Variants in BMPR2 observed in about 807,000 individuals in gnomAD.
BMPR2 encodes the protein bone morphogenetic protein receptor type 2.
A neutral mutation model predicts 100.8 loss-of-function variants in BMPR2; 29 were observed. The ratio of observed to expected loss-of-function variants is 0.29; its 90% CI spans 0.21 to 0.39. The LOEUF (loss-of-function observed/expected upper bound fraction) is 0.39, where lower values mean the gene tolerates loss of function less well. BMPR2 is among the 10% of genes least tolerant of loss of function. The pLI, the probability that BMPR2 is intolerant of heterozygous loss-of-function variation, is 1.00. For missense variants in BMPR2, 1,011 were observed against 1,274.5 expected (o/e 0.79, Z 3.15); for synonymous variants, 382 against 442.3 (o/e 0.86, Z 1.71).
intron 7 of BMPR2, among the ~76,000 whole-genome samples, chr2:202,521,935 G>C (rs1018447458): frequency 1.3e-5 from 2 of 152,200 alleles, no homozygotes; most frequent in Non-Finnish European, 2.9e-5. Context: ...GGATCTCAAG[G>C]ATCACTTGAG....
intron 1 of BMPR2, among the ~76,000 whole-genome samples, chr2:202,464,287 A>C (rs1692277298): frequency 6.6e-6 from 1 of 151,916 alleles, no homozygotes; most frequent in Non-Finnish European, 1.5e-5. Flanking sequence ...AATGGTTACC[A>C]GTTTAATTTT....
chr2:202,432,006 A>G (rs1691514667), intron 1 of BMPR2, among the ~76,000 whole-genome samples: 1 of 150,560 alleles, frequency 6.6e-6, no homozygotes, highest in African/African-American at 2.5e-5. Flanking sequence ...AAATATAGGT[A>G]CTTATATATT....
Position 202,552,893 on chromosome 2 carries a change from G to C in BMPR2, c.1586+5G>C. ...TACTGCTATGCAGAATGAACGGTAA[G>C]ACCCTAAGGGGTGTGGCATCTATCA... On this transcript the variant is annotated splice_donor_5th_base_variant and intron_variant, in intron 11 of 12. Coordinates refer to ENST00000374580, the MANE Select transcript of BMPR2 (RefSeq NM_001204.7). 6.2e-7 allele frequency: 1 copy of C among 1,614,178 alleles called. No individual in the cohort carries two copies. The highest frequency in any genetic ancestry group is 8.5e-7 in the Non-Finnish European group (1 of 1,180,028).
intron 10 of BMPR2, among the ~76,000 whole-genome samples, chr2:202,549,732 G>A (rs1688441671): frequency 7.2e-6 from 1 of 138,694 alleles, no homozygotes; most frequent in Non-Finnish European, 1.5e-5. Flanking sequence ...GGGCGACAGA[G>A]CAAGACTCTG....
At chr2:202,443,000 T>G (rs1243066012) in intron 1 of BMPR2, among the ~76,000 whole-genome samples, 1 of 150,160 alleles carries the variant, frequency 6.7e-6, no homozygotes, top group Non-Finnish European at 1.5e-5. Flanking sequence ...TGTAAGGAGG[T>G]GATGATAAAG....
intron 9 of BMPR2, among the ~76,000 whole-genome samples, chr2:202,539,594 CTA>C (rs1307830175): frequency 6.6e-6 from 1 of 150,682 alleles, no homozygotes; most frequent in Non-Finnish European, 1.5e-5. Flanking sequence ...AATGGAAACA[CTA>C]TGTAATGAAG....
In BMPR2 at chr2:202,436,453, A is replaced by G. The variant is rs189550220; in HGVS notation, c.77-28356A>G. ...AGAGTGAGACCCTGTCTCAAGAAAA[A>G]AAAACAACAACAGCAGCAACAAAAA... is the stretch of plus-strand genomic sequence containing the variant. On this transcript the variant is annotated intron_variant, in intron 1 of 12. Transcript: ENST00000374580. Among the ~76,000 whole-genome samples the G allele has an allele frequency of 1.4e-3, 212 of 150,696 alleles. 22 individuals carry two copies. Among genetic ancestry groups the G allele is most frequent in the African/African-American group, 5.1e-3 (203 of 40,036 alleles).
At chr2:202,404,818 TC>T (rs985557805) in intron 1 of BMPR2, among the ~76,000 whole-genome samples, 4 of 151,786 alleles carry the variant, frequency 2.6e-5, no homozygotes, top group Non-Finnish European at 1.5e-5. Flanking sequence ...TGTCTATCGT[TC>T]CAATCTTTAT....
chr2:202,414,313 G>C (rs1559030871), intron 1 of BMPR2, among the ~76,000 whole-genome samples: 1 of 152,172 alleles, frequency 6.6e-6, no homozygotes, highest in Non-Finnish European at 1.5e-5. Flanking sequence ...TGTTCTGACT[G>C]TTCTATCAGC....
chr2:202,443,229 C>G (rs764327523), intron 1 of BMPR2, among the ~76,000 whole-genome samples: 5 of 150,612 alleles, frequency 3.3e-5, no homozygotes, highest in Non-Finnish European at 7.3e-5. Flanking sequence ...TTCAGTAGCC[C>G]AAGCTGACTA....
intron 1 of BMPR2, among the ~76,000 whole-genome samples, chr2:202,411,713 A>G (rs1691016307): frequency 1.3e-5 from 2 of 152,144 alleles, no homozygotes; most frequent in African/African-American, 4.8e-5. Context: ...GTGCACTGAG[A>G]AGGACATAGC....
intron 1 of BMPR2, among the ~76,000 whole-genome samples, chr2:202,402,817 C>T (rs1325341162): frequency 6.6e-6 from 1 of 151,364 alleles, no homozygotes. Flanking sequence ...GTGCATGCCA[C>T]CCTGTGTTGC....
intron 1 of BMPR2, among the ~76,000 whole-genome samples, chr2:202,417,546 G>T (rs1441182209): frequency 6.6e-6 from 1 of 151,052 alleles, no homozygotes; most frequent in South Asian, 2.1e-4. Flanking sequence ...CAGGTGATAC[G>T]CCCGCCTTGG....
At chr2:202,449,065 C>A (rs1430550502) in intron 1 of BMPR2, among the ~76,000 whole-genome samples, 1 of 151,650 alleles carries the variant, frequency 6.6e-6, no homozygotes, top group African/African-American at 2.4e-5. Flanking sequence ...CACCTGTAAT[C>A]CCAGCACTTT....
chr2:202,542,587 T>C, intron 10 of BMPR2, 140 bp downstream of exon 10: 4 of 1,129,038 alleles, frequency 3.5e-6, no homozygotes, highest in Non-Finnish European at 5.0e-6. Flanking sequence ...ATTTTTATGA[T>C]GTTTTCAAAT....
At chr2:202,389,718 C>T (rs1231928284) in intron 1 of BMPR2, among the ~76,000 whole-genome samples, 10 of 150,710 alleles carry the variant, frequency 6.6e-5, no homozygotes, top group East Asian at 4.0e-4. Context: ...CTTGGCTCAC[C>T]GCAACCTCCG....
intron 3 of BMPR2, among the ~76,000 whole-genome samples, chr2:202,491,712 C>T (rs977237410): frequency 6.6e-6 from 1 of 152,140 alleles, no homozygotes; most frequent in African/African-American, 2.4e-5. Flanking sequence ...CCAGGTGCAT[C>T]TTTTACTAAC....
rs1688693370 is a variant in BMPR2 at position 202,562,596 on chromosome 2, A to G, written c.*2650A>G. 1 of 152,386 alleles carries G rather than the reference A, an allele frequency of 6.6e-6. No individual in the cohort carries two copies. The highest frequency in any genetic ancestry group is 1.5e-5 in the Non-Finnish European group (1 of 68,012). The allele number at this position is 152,386 out of a possible 1,614,324, so 9.4% of individuals were successfully genotyped here. The stretch of plus-strand genomic sequence containing the variant: ...TTTAACTGCTATCACAAAGTTTTAT[A>G]TGTAGAAAAGTGGGGTCCTTTTGAA... On this transcript the variant is annotated 3_prime_UTR_variant, in exon 13 of 13. Coordinates refer to ENST00000374580, the MANE Select transcript of BMPR2 (RefSeq NM_001204.7).
intron 1 of BMPR2, among the ~76,000 whole-genome samples, chr2:202,434,080 C>T (rs900168431): frequency 3.3e-5 from 5 of 150,456 alleles, no homozygotes; most frequent in Admixed American, 1.3e-4. Context: ...AGTGATTCAG[C>T]TTACACAATT....
Sources: allele counts gnomAD v4.1 joint callset (sites outside exome capture counted in the v4.1 genomes callset), GRCh38; gene constraint gnomAD v4.1.1; transcripts MANE v1.5; gene names NCBI Gene and HGNC (gene_info 2026-07-23, HGNC 2026-07-21).